The following SLC25A20 variants were observed in gnomAD, a reference collection of about 807,000 sequenced individuals.
SLC25A20 encodes the protein mitochondrial carnitine/acylcarnitine carrier protein.
SLC25A20 carries 29 observed loss-of-function variants against 39.7 expected under a neutral mutation model. The ratio of observed to expected loss-of-function variants is 0.73; its 90% confidence interval spans 0.54 to 1.00. The LOEUF (loss-of-function observed/expected upper bound fraction) is 1.00. SLC25A20 is among the 50% of genes least tolerant of loss of function. SLC25A20 has a pLI of 0.00. For missense variants in SLC25A20, 333 were observed against 379.9 expected (o/e 0.88, Z 1.03); for synonymous variants, 103 against 142.2 (o/e 0.72, Z 1.96).
chr3:48,866,480 G>A (rs1322401958), intron 4 of SLC25A20, among the ~76,000 whole-genome samples: 1 of 151,942 alleles, frequency 6.6e-6, no homozygotes, highest in East Asian at 1.9e-4. Context: ...CTGGAACCTG[G>A]GAAGCAGAGG....
chr3:48,890,551 G>A (rs1278087474), intron 2 of SLC25A20, among the ~76,000 whole-genome samples: 9 of 151,516 alleles, frequency 5.9e-5, no homozygotes, highest in Admixed American at 1.3e-4. Context: ...TCTCTGCTTC[G>A]GCTACCTAAA....
At chr3:48,878,387 G>A (rs951782337) in intron 4 of SLC25A20, among the ~76,000 whole-genome samples, 1 of 151,528 alleles carries the variant, frequency 6.6e-6, no homozygotes, top group African/African-American at 2.4e-5. Flanking sequence ...AGACTGAAGT[G>A]CAGTGGCACA....
intron 2 of SLC25A20, among the ~76,000 whole-genome samples, chr3:48,889,688 C>T (rs2083859352): frequency 1.3e-5 from 2 of 151,614 alleles, no homozygotes; most frequent in Admixed American, 1.3e-4. Flanking sequence ...ACCTAGGTGC[C>T]GAGGCAACAG....
At chr3:48,879,930 G>A (rs2083786315) in intron 3 of SLC25A20, among the ~76,000 whole-genome samples, 1 of 152,106 alleles carries the variant, frequency 6.6e-6, no homozygotes, top group African/African-American at 2.4e-5. Flanking sequence ...GGATTACCAA[G>A]GGCCTGAGAA....
intron 3 of SLC25A20, 150 bp downstream of exon 3, chr3:48,883,847 C>T: frequency 4.6e-6 from 4 of 878,334 alleles, no homozygotes; most frequent in Admixed American, 2.1e-5. Context: ...TGGACTCGAC[C>T]TCCTGACCTC....
At chr3:48,895,908 GGCCGGAGGAT>G (rs1559673373) in intron 1 of SLC25A20, 2 of 398,666 alleles carry the variant, frequency 5.0e-6, no homozygotes, top group Admixed American at 5.4e-5. Context: ...AGGAGGCCAA[GGCCGGAGGAT>G]CACTTGAGGC....
rs996503588 is a variant in SLC25A20 at position 48,898,587 on chromosome 3, C to A, written c.105+103G>T. ...TCCCTAGACTTCTCACGGAAGCTCA[C>A]ACATGCCCCTCTTCTGCCCAGCGTC... is the stretch of plus-strand genomic sequence containing the variant. On this transcript the variant is annotated intron_variant, in intron 1 of 8. Transcript: ENST00000319017. 1.7e-4 allele frequency: 174 copies of A among 1,047,750 alleles called. 4 individuals are homozygous for A. In the South Asian group the frequency reaches 2.2e-3, roughly 13 times the overall value. The allele number at this position is 1,047,750 out of a possible 1,614,324, so 64.9% of individuals were successfully genotyped here.
At chr3:48,873,715 C>T (rs1184565500) in intron 4 of SLC25A20, among the ~76,000 whole-genome samples, 1 of 149,468 alleles carries the variant, frequency 6.7e-6, no homozygotes, top group African/African-American at 2.5e-5. Flanking sequence ...CGCAGTGGCT[C>T]ACGCCTATAA....
intron 1 of SLC25A20, among the ~76,000 whole-genome samples, chr3:48,896,183 ATTT>A (rs920094418): frequency 1.4e-5 from 2 of 144,622 alleles, no homozygotes; most frequent in African/African-American, 2.5e-5. Flanking sequence ...CCTTGTTGTG[ATTT>A]TTTTTTTCTT....
chr3:48,888,569 CAAAATAAA>C (rs1415491290), intron 2 of SLC25A20, among the ~76,000 whole-genome samples: 5 of 114,866 alleles, frequency 4.4e-5, no homozygotes, highest in African/African-American at 1.4e-4. Flanking sequence ...ACTCTTGTCT[CAAAATAAA>C]TAAATAAATA....
chr3:48,888,704 C>A (rs2083852481), intron 2 of SLC25A20, among the ~76,000 whole-genome samples: 1 of 152,080 alleles, frequency 6.6e-6, no homozygotes, highest in African/African-American at 2.4e-5. Flanking sequence ...TACTATCACT[C>A]CCTTTTTATC....
chr3:48,881,655 C>A (rs527416359), intron 3 of SLC25A20, among the ~76,000 whole-genome samples: 1 of 152,228 alleles, frequency 6.6e-6, no homozygotes, highest in South Asian at 2.1e-4. Flanking sequence ...TTTGTTCAGT[C>A]AGGAAGACTG....
intron 4 of SLC25A20, among the ~76,000 whole-genome samples, chr3:48,878,296 A>G (rs903961307): frequency 7.9e-6 from 1 of 126,622 alleles, no homozygotes; most frequent in African/African-American, 2.9e-5. Context: ...ATATATATAT[A>G]TATGTATATA....
intron 5 of SLC25A20, among the ~76,000 whole-genome samples, chr3:48,859,922 T>C (rs1207078999): frequency 6.6e-6 from 1 of 152,160 alleles, no homozygotes; most frequent in Non-Finnish European, 1.5e-5. Context: ...ATCCGAGCAC[T>C]TTGGGAGGCT....
At chr3:48,885,082 G>A (rs1575990034) in intron 2 of SLC25A20, among the ~76,000 whole-genome samples, 1 of 152,010 alleles carries the variant, frequency 6.6e-6, no homozygotes, top group East Asian at 1.9e-4. Context: ...GGGCAGCATA[G>A]CAAGACCCTG....
At chr3:48,889,976 AGCAGTAAC>A (rs1226308434) in intron 2 of SLC25A20, among the ~76,000 whole-genome samples, 1 of 152,194 alleles carries the variant, frequency 6.6e-6, no homozygotes, top group Non-Finnish European at 1.5e-5. Context: ...TCCTTGGTCA[AGCAGTAAC>A]GCCAGTGCCT....
At chr3:48,867,311 T>C (rs907076213) in intron 4 of SLC25A20, among the ~76,000 whole-genome samples, 1 of 151,692 alleles carries the variant, frequency 6.6e-6, no homozygotes, top group Non-Finnish European at 1.5e-5. Flanking sequence ...AGTGGCGAGA[T>C]CTCGGTTCAC....
At chr3:48,869,578 G>A (rs568817608) in intron 4 of SLC25A20, among the ~76,000 whole-genome samples, 7 of 152,208 alleles carry the variant, frequency 4.6e-5, no homozygotes, top group Non-Finnish European at 1.0e-4. Context: ...TAATCCTAGC[G>A]TTCTGGGAGG....
chr3:48,874,111 GC>G (rs1012556858), intron 4 of SLC25A20, among the ~76,000 whole-genome samples: 3 of 151,892 alleles, frequency 2.0e-5, no homozygotes, highest in African/African-American at 7.3e-5. Context: ...GGCCAACATG[GC>G]AAAACCTTGT....
Sources: allele counts gnomAD v4.1 joint callset (sites outside exome capture counted in the v4.1 genomes callset), GRCh38; gene constraint gnomAD v4.1.1; transcripts MANE v1.5; gene names NCBI Gene and HGNC (gene_info 2026-07-23, HGNC 2026-07-21).